Variants in PDE4B observed in about 807,000 individuals in gnomAD.
PDE4B encodes phosphodiesterase 4B, also known as 3',5'-cyclic-AMP phosphodiesterase 4B.
PDE4B carries 20 observed loss-of-function variants against 82.2 expected under a neutral mutation model. The ratio of observed to expected loss-of-function variants is 0.24; its 90% confidence interval spans 0.17 to 0.35. The LOEUF is 0.35. Among genes scored for constraint, PDE4B ranks in the 10% least tolerant of loss-of-function variants. The pLI is 1.00. For synonymous variants in PDE4B, 320 were observed against 318.9 expected, an observed-to-expected ratio of 1.00 and a Z score of -0.04; for missense variants, 655 against 907.2, an observed-to-expected ratio of 0.72 and a Z score of 3.57.
chr1:66,190,784 C>T (rs971407957), intron 3 of PDE4B, among the ~76,000 whole-genome samples: 21 of 152,114 alleles, frequency 1.4e-4, no homozygotes, highest in African/African-American at 4.3e-4. Flanking sequence ...CCGTGGGCTT[C>T]CTGGGTGAGG....
intron 1 of PDE4B, among the ~76,000 whole-genome samples, chr1:65,832,015 T>C (rs1350801109): frequency 1.3e-5 from 2 of 152,196 alleles, no homozygotes; most frequent in Admixed American, 6.5e-5. Flanking sequence ...TAACCATTGG[T>C]GAATTCCTTT....
chr1:66,063,943 A>G (rs1191259991), intron 3 of PDE4B, among the ~76,000 whole-genome samples: 1 of 151,958 alleles, frequency 6.6e-6, no homozygotes. Flanking sequence ...GTGCTCTCCT[A>G]TTTAGTTAGA....
At chr1:65,916,311 G>T (rs1320280526) in intron 2 of PDE4B, among the ~76,000 whole-genome samples, 1 of 152,118 alleles carries the variant, frequency 6.6e-6, no homozygotes, top group East Asian at 1.9e-4. Context: ...GAAATATTTT[G>T]TGATAGGTGT....
chr1:66,000,024 A>G (rs1651776123), intron 3 of PDE4B, among the ~76,000 whole-genome samples: 1 of 152,214 alleles, frequency 6.6e-6, no homozygotes, highest in Admixed American at 6.5e-5. Flanking sequence ...TTTAATTATA[A>G]TATCTCACTA....
At chr1:65,882,045 T>A (rs566895367) in intron 1 of PDE4B, among the ~76,000 whole-genome samples, 1 of 152,294 alleles carries the variant, frequency 6.6e-6, no homozygotes, top group South Asian at 2.1e-4. Flanking sequence ...ACTCAATATC[T>A]GAAATAAAAT....
At chr1:66,290,051 T>A (rs1462923868) in intron 7 of PDE4B, among the ~76,000 whole-genome samples, 1 of 152,070 alleles carries the variant, frequency 6.6e-6, no homozygotes, top group South Asian at 2.1e-4. Flanking sequence ...AGAGGGAACA[T>A]TGAAAGGTGG....
chr1:66,090,147 G>T (rs1008116314), intron 3 of PDE4B, among the ~76,000 whole-genome samples: 1 of 151,926 alleles, frequency 6.6e-6, no homozygotes, highest in Non-Finnish European at 1.5e-5. Context: ...CTAATATACA[G>T]ATAACAAAAC....
At chr1:66,258,829 G>A (rs547707126) in intron 6 of PDE4B, among the ~76,000 whole-genome samples, 1 of 152,234 alleles carries the variant, frequency 6.6e-6, no homozygotes, top group South Asian at 2.1e-4. Context: ...TTAAAAGTGG[G>A]AGTAAACCCT....
chr1:66,354,241 T>G (rs1251712396), intron 8 of PDE4B: 3 of 188,902 alleles, frequency 1.6e-5, no homozygotes, highest in East Asian at 1.9e-4. Context: ...CTTTGATCAA[T>G]TAGAGCGGCT....
chr1:66,140,370 C>T (rs138304502), intron 3 of PDE4B, among the ~76,000 whole-genome samples: 10 of 152,224 alleles, frequency 6.6e-5, no homozygotes, highest in East Asian at 1.9e-4. Flanking sequence ...AAGGGCTCAA[C>T]GCAACTTTTA....
intron 7 of PDE4B, among the ~76,000 whole-genome samples, chr1:66,274,841 G>C (rs919927062): frequency 6.6e-6 from 1 of 152,212 alleles, no homozygotes; most frequent in African/African-American, 2.4e-5. Context: ...TCTGGTATCA[G>C]TAGAGAACCA....
At chr1:66,205,756 G>A (rs751589777) in intron 3 of PDE4B, among the ~76,000 whole-genome samples, 1 of 152,212 alleles carries the variant, frequency 6.6e-6, no homozygotes, top group African/African-American at 2.4e-5. Context: ...AATAGATTCT[G>A]TCTGTGCTAG....
intron 1 of PDE4B, among the ~76,000 whole-genome samples, chr1:65,884,827 A>G (rs954425289): frequency 1.3e-5 from 2 of 152,208 alleles, no homozygotes; most frequent in African/African-American, 4.8e-5. Flanking sequence ...AAAACACCAA[A>G]AGCAATGGCA....
intron 1 of PDE4B, among the ~76,000 whole-genome samples, chr1:65,898,907 C>A (rs1646940762): frequency 6.6e-6 from 1 of 151,986 alleles, no homozygotes; most frequent in South Asian, 2.1e-4. Flanking sequence ...TTGGCTTAGG[C>A]AAGGATTTTA....
chr1:65,885,631 T>C (rs2100359965), intron 1 of PDE4B, among the ~76,000 whole-genome samples: 1 of 151,818 alleles, frequency 6.6e-6, no homozygotes, highest in South Asian at 2.1e-4. Context: ...AAACACCACA[T>C]GTTCTCACTC....
intron 7 of PDE4B, among the ~76,000 whole-genome samples, chr1:66,328,301 C>G (rs1349935218): frequency 6.6e-6 from 1 of 152,190 alleles, no homozygotes; most frequent in Non-Finnish European, 1.5e-5. Context: ...CTTCTTCCCT[C>G]TGGAAGTTTT....
At position 65,994,023 on chromosome 1, in the gene PDE4B, A is replaced by G. The variant is rs1162616239; in HGVS notation, c.281+75188A>G. On this transcript the variant is annotated intron_variant, in intron 3 of 16. Coordinates refer to ENST00000341517, the MANE Select transcript of PDE4B (RefSeq NM_002600.4). ...GCTATATTTTCTTTCAGATTAAGGT[A>G]CCTTTAAAAATTGAGTAGCTGTACC... 2.0e-5 allele frequency among the ~76,000 whole-genome samples: 3 copies of G among 152,246 alleles called. No homozygotes were observed. In the East Asian group the frequency reaches 5.8e-4, roughly 29 times the overall value.
chr1:66,068,404 T>C (rs1432541780), intron 3 of PDE4B, among the ~76,000 whole-genome samples: 1 of 151,926 alleles, frequency 6.6e-6, no homozygotes, highest in East Asian at 1.9e-4. Context: ...TGATGAAGAA[T>C]TGATAAGATT....
At chr1:66,059,645 C>T (rs954629934) in intron 3 of PDE4B, among the ~76,000 whole-genome samples, 1 of 152,102 alleles carries the variant, frequency 6.6e-6, no homozygotes, top group Non-Finnish European at 1.5e-5. Flanking sequence ...TCTTGTGAGA[C>T]GTATTCACTA....
Sources: gnomAD v4.1 joint callset for allele counts (sites outside exome capture counted in the v4.1 genomes callset) on GRCh38, gnomAD v4.1.1 for gene constraint, MANE v1.5 for transcripts, NCBI Gene and HGNC (gene_info 2026-07-23, HGNC 2026-07-21) for gene names.